The following TAF6 variants were observed in gnomAD, a reference collection of about 807,000 sequenced individuals.
The protein encoded by TAF6 is transcription initiation factor TFIID subunit 6.
A neutral mutation model predicts 73.5 loss-of-function variants in TAF6; 50 were observed. The ratio of observed to expected loss-of-function variants is 0.68; its 90% CI spans 0.54 to 0.86. TAF6 has a LOEUF of 0.86. TAF6 is among the 40% of genes least tolerant of loss of function. The pLI is 0.00. For synonymous variants in TAF6, 424 were observed against 376.7 expected (o/e 1.13, Z -1.45); for missense variants, 768 against 899.5 (o/e 0.85, Z 1.87).
chr7:100,110,743 G>A lies in TAF6; in HGVS notation c.1083+396C>T, dbSNP rs552726952. Among the ~76,000 whole-genome samples, 11 of 152,190 alleles carry A rather than the reference G, an allele frequency of 7.2e-5. 1 individual carries two copies. In the South Asian group the frequency reaches 1.5e-3, roughly 20 times the overall value. The stretch of plus-strand genomic sequence containing the variant: ...GGAGAATCATTGGAACCCAGGAGGC[G>A]GAGGTTGTGGTAAGCCAAGATTGCA... On this transcript the variant is annotated intron_variant, in intron 10 of 14. Coordinates refer to ENST00000453269, the MANE Select transcript of TAF6 (RefSeq NM_139315.3).
chr7:100,113,950 G>A lies in TAF6; in HGVS notation c.161C>T (p.Ala54Val). The A allele has an allele frequency of 6.2e-7, 1 of 1,614,138 alleles. No individual in the cohort carries two copies. Among genetic ancestry groups the A allele is most frequent in the South Asian group, 1.1e-5 (1 of 91,076 alleles). The change falls in exon 3 of 15, where the codon GCC becomes GTC. Residue 54 changes from alanine to valine, a missense_variant. This residue lies in a region of TAF6 where 269 missense variants were observed against 268.0 expected (regional missense o/e 1.00). Transcript: ENST00000453269. ...CTTCCCCATGTGCATGAACTTCAAG[G>A]CATCCTGGGGTCGGTGACAGAACAG... ...SYRIKEIAQD[A>V]LKFMHMGKRQ...
chr7:100,122,997 C>T (rs1393391376), upstream of TAF6: 28 of 1,408,796 alleles, frequency 2.0e-5, no homozygotes, highest in Admixed American at 2.4e-5. Flanking sequence ...GGATGTCTAC[C>T]CCTAAGCATG....
At chr7:100,108,345 T>C in intron 13 of TAF6, 22 bp downstream of exon 13, 1 of 1,584,146 alleles carries the variant, frequency 6.3e-7, no homozygotes, top group Non-Finnish European at 8.6e-7. Flanking sequence ...CTCCTATTCC[T>C]CCTCCCCACC....
chr7:100,121,546 C>G (rs958690693), upstream of TAF6: 1 of 151,944 alleles, frequency 6.6e-6, no homozygotes, highest in African/African-American at 2.4e-5. Flanking sequence ...CTCCTGGGTT[C>G]GAGTGATTCT....
At position 100,107,824 on chromosome 7, in the gene TAF6, C is replaced by T. The variant is rs1796703040; in HGVS notation, c.1656+102G>A. 6 of 1,455,256 alleles carry T rather than the reference C, an allele frequency of 4.1e-6. No individual in the cohort carries two copies. The African/African-American group carries it at 4.3e-5, about 10-fold the overall frequency. 90.1% of individuals were successfully genotyped at this position (1,455,256 alleles called of 1,614,324 possible). ...GGTGGGCGCCTCTTCCAGCTCTTGA[C>T]TTGGGGCCCAGAGGGGACTGTGCTC... is the stretch of plus-strand genomic sequence containing the variant. On this transcript the variant is annotated intron_variant, in intron 14 of 14. Transcript: ENST00000453269.
At chr7:100,123,922 G>T (rs545702809), upstream of TAF6, among the ~76,000 whole-genome samples, 1 of 152,208 alleles carries the variant, frequency 6.6e-6, no homozygotes, top group East Asian at 1.9e-4. Context: ...CGACATCAGG[G>T]GTTCAAGACC....
intron 5 of TAF6, 131 bp downstream of exon 5, chr7:100,113,218 G>A (rs1797359499): frequency 4.3e-6 from 4 of 926,104 alleles, no homozygotes; most frequent in Non-Finnish European, 6.4e-6. Flanking sequence ...AGTGAGCCAA[G>A]ATTGAGCCAC....
At chr7:100,122,971 A>G (rs1798114191), upstream of TAF6, 102 of 1,535,040 alleles carry the variant, frequency 6.6e-5, no homozygotes, top group South Asian at 1.2e-3. Context: ...GCTAGGTTCT[A>G]GGGTTTGACT....
At position 100,117,421 on chromosome 7, in the gene TAF6, G is replaced by T. The variant is rs982795783; in HGVS notation, c.-60+1783C>A. Among the ~76,000 whole-genome samples the T allele has an allele frequency of 3.3e-5, 5 of 151,684 alleles. No homozygotes were observed. The East Asian group carries it at 1.0e-3, about 31-fold the overall frequency. On this transcript the variant is annotated intron_variant, in intron 1 of 14. Transcript: ENST00000453269. ...TGCGTAGCTGGGATTACAGGCATGC[G>T]CCACCACACCTGGCTAATTTTTGTA...
chr7:100,109,107 GAGGTC>G (rs1796906023), intron 12 of TAF6: 1 of 151,622 alleles, frequency 6.6e-6, no homozygotes, highest in African/African-American at 2.4e-5. Flanking sequence ...CAGATCACCT[GAGGTC>G]AGGAGCTCAA....
upstream of TAF6, chr7:100,124,768 GGAAGA>G: frequency 6.2e-7 from 1 of 1,613,882 alleles, no homozygotes; most frequent in East Asian, 2.2e-5. Flanking sequence ...TCACAGATGG[GGAAGA>G]GAAAACAGAA....
intron 4 of TAF6, 36 bp from the exon 5 acceptor site, chr7:100,113,441 G>T (rs775243909): frequency 6.4e-7 from 1 of 1,550,514 alleles, no homozygotes; most frequent in South Asian, 1.2e-5. Context: ...GAATTGCCAC[G>T]CATGGACATT....
chr7:100,122,182 G>A, upstream of TAF6: 1 of 1,578,772 alleles, frequency 6.3e-7, no homozygotes, highest in Non-Finnish European at 8.6e-7. Flanking sequence ...ATGCTCTGCT[G>A]CCTCAGGTCA....
intron 1 of TAF6, 95 bp from the exon 2 acceptor site, chr7:100,114,363 C>A (rs781316239): frequency 8.0e-7 from 1 of 1,246,172 alleles, no homozygotes; most frequent in Non-Finnish European, 1.1e-6. Flanking sequence ...GGAGGAACTC[C>A]GAGTGTCTTA....
the TAF6 span, chr7:100,124,884 T>C: frequency 1.3e-6 from 2 of 1,589,540 alleles, no homozygotes; most frequent in Non-Finnish European, 8.6e-7. Context: ...CGAGAAGATC[T>C]TTGACCCTTG....
At chr7:100,119,725 T>A, upstream of TAF6, 1 of 1,614,006 alleles carries the variant, frequency 6.2e-7, no homozygotes, top group Non-Finnish European at 8.5e-7. Context: ...GCGGTGATTG[T>A]TTGTAGACGG....
intron 8 of TAF6, 38 bp downstream of exon 8, chr7:100,111,884 C>T (rs750617878): frequency 1.2e-6 from 2 of 1,614,164 alleles, no homozygotes; most frequent in Non-Finnish European, 1.7e-6. Flanking sequence ...CAGGAGCTTC[C>T]ACTGCCGTCC....
chr7:100,116,874 T>A (rs952227430), intron 1 of TAF6, among the ~76,000 whole-genome samples: 1 of 152,098 alleles, frequency 6.6e-6, no homozygotes, highest in African/African-American at 2.4e-5. Context: ...TCTAATTGGC[T>A]GCCTACCCTG....
intron 14 of TAF6, 85 bp downstream of exon 14, chr7:100,107,841 A>G: frequency 6.7e-7 from 1 of 1,487,354 alleles, no homozygotes; most frequent in Non-Finnish European, 9.0e-7. Flanking sequence ...CCCAGAGGGG[A>G]CTGTGCTCTA....
Sources: allele counts gnomAD v4.1 joint callset (sites outside exome capture counted in the v4.1 genomes callset), GRCh38; gene constraint gnomAD v4.1.1; regional missense constraint gnomAD v4.1.1; transcripts MANE v1.5; gene names NCBI Gene and HGNC (gene_info 2026-07-23, HGNC 2026-07-21).